The following NRK variants were observed in gnomAD, a reference collection of about 807,000 sequenced individuals.
NRK encodes Nik related kinase, also known as nik-related protein kinase.
NRK carries 67 observed loss-of-function variants against 125.2 expected under a neutral mutation model. That is an observed-to-expected ratio of 0.54 (90% CI 0.44 to 0.66). NRK has a LOEUF of 0.66. Ranked by LOEUF, NRK falls within the 30% of genes least tolerant of loss-of-function variation. NRK has a pLI of 0.00. For synonymous variants in NRK, 458 were observed against 429.0 expected, an observed-to-expected ratio of 1.07 and a Z score of -0.84; for missense variants, 1,224 against 1,192.9, an observed-to-expected ratio of 1.03 and a Z score of -0.38.
chrX:105,935,042 G>A (rs2040643055), intron 20 of NRK, 128 bp from the exon 21 acceptor site: 2 of 475,558 alleles, frequency 4.2e-6, no homozygotes, highest in African/African-American at 2.4e-5. Flanking sequence ...GTGTACAGAG[G>A]AGTAATTTAA....
chrX:105,853,649 T>C (rs2039500050), intron 2 of NRK, among the ~76,000 whole-genome samples: 1 of 112,153 alleles, frequency 8.9e-6, no homozygotes, highest in Non-Finnish European at 1.9e-5. Context: ...GGGCAAAATT[T>C]CCCCATGTCA....
At chrX:105,882,410 G>A (rs2039895178) in intron 4 of NRK, among the ~76,000 whole-genome samples, 1 of 110,883 alleles carries the variant, frequency 9.0e-6, no homozygotes, top group African/African-American at 3.3e-5. Flanking sequence ...CAGTTTTTCT[G>A]ATACCAACAA....
intron 2 of NRK, among the ~76,000 whole-genome samples, chrX:105,846,511 T>C (rs774141513): frequency 9.0e-6 from 1 of 111,258 alleles, no homozygotes; most frequent in African/African-American, 3.3e-5. Context: ...CGAGGATAAA[T>C]AACAATCTGC....
chrX:105,937,600 A>C lies in NRK; in HGVS notation c.3799+18A>C, dbSNP rs532779062. On this transcript the variant is annotated intron_variant, in intron 22 of 28. Transcript: ENST00000243300. ...CATCTCAGGTTTGTTTAAGAACTAAAATTAGCTGAGTAATTATGCAGATTA... is the reference window on the plus strand; with the variant it reads ...CATCTCAGGTTTGTTTAAGAACTAACATTAGCTGAGTAATTATGCAGATTA... 46 of 1,145,581 alleles carry C rather than the reference A, an allele frequency of 4.0e-5. No individual in the cohort carries two copies. The highest frequency in any genetic ancestry group is 3.0e-4 in the African/African-American group (17 of 55,841). 94.4% of individuals were successfully genotyped at this position (1,145,581 alleles called of 1,213,427 possible). A position where few individuals can be genotyped will look rare whatever the true frequency, so the allele number is the denominator to read the frequency against.
intron 2 of NRK, among the ~76,000 whole-genome samples, chrX:105,878,794 CT>C (rs768137179): frequency 8.4e-4 from 94 of 111,675 alleles, no homozygotes; most frequent in African/African-American, 2.8e-3. Flanking sequence ...GATTACTAGT[CT>C]CTGAACCCTA....
chrX:105,874,440 G>C (rs1271943619), intron 2 of NRK, among the ~76,000 whole-genome samples: 1 of 111,799 alleles, frequency 8.9e-6, no homozygotes, highest in African/African-American at 3.2e-5. Context: ...TACAATTATT[G>C]GGTAACCTGT....
intron 26 of NRK, among the ~76,000 whole-genome samples, chrX:105,948,076 C>CT (rs939010303): frequency 2.5e-4 from 27 of 107,346 alleles, no homozygotes; most frequent in South Asian, 1.2e-3. Flanking sequence ...CTGCATCTCT[C>CT]TTTTTTTTTT....
At chrX:105,875,866 G>A (rs1447860122) in intron 2 of NRK, among the ~76,000 whole-genome samples, 1 of 110,955 alleles carries the variant, frequency 9.0e-6, no homozygotes, top group East Asian at 2.8e-4. Flanking sequence ...TATTTAAGCA[G>A]CAGTTGCTTT....
chrX:105,829,900 A>C (rs2039163597), intron 1 of NRK, among the ~76,000 whole-genome samples: 1 of 111,054 alleles, frequency 9.0e-6, no homozygotes, highest in Admixed American at 9.6e-5. Context: ...TTGGTGCAAA[A>C]GTAATTACGG....
At chrX:105,917,177 A>G (rs1484870286) in intron 15 of NRK, among the ~76,000 whole-genome samples, 1 of 111,294 alleles carries the variant, frequency 9.0e-6, no homozygotes, top group Admixed American at 9.6e-5. Context: ...TCTGGATAAT[A>G]ACAATAGAAT....
In NRK at chrX:105,846,502, G is replaced by A. The variant is rs770604601; in HGVS notation, c.123+15383G>A. ...TTCCATTTTGTAAATAATGTTCTTC[G>A]AGGATAAATAACAATCTGCAAAGGA... On this transcript the variant is annotated intron_variant, in intron 2 of 28. Coordinates refer to ENST00000243300, the MANE Select transcript of NRK (RefSeq NM_198465.4). Among the ~76,000 whole-genome samples, 6 of 110,764 alleles carry A rather than the reference G, an allele frequency of 5.4e-5. No homozygotes were observed. The South Asian group carries it at 1.9e-3, about 35-fold the overall frequency.
intron 4 of NRK, among the ~76,000 whole-genome samples, chrX:105,884,997 G>T (rs2039925699): frequency 9.0e-6 from 1 of 110,985 alleles, no homozygotes. Flanking sequence ...CACCATTTTG[G>T]CCAGGCTGGT....
At position 105,893,070 on chromosome X, in the gene NRK, C is replaced by A. The variant is rs192009456; in HGVS notation, c.379-762C>A. On this transcript the variant is annotated intron_variant, in intron 5 of 28. Transcript: ENST00000243300. ...CTTGTACATCACTCTTTAGTTAACT[C>A]ATATTACCTGGATGAAAATTTACTA... Among the ~76,000 whole-genome samples, 6 of 111,728 alleles carry A rather than the reference C, an allele frequency of 5.4e-5. No individual in the cohort carries two copies. The East Asian group carries it at 1.7e-3, about 32-fold the overall frequency.
intron 4 of NRK, among the ~76,000 whole-genome samples, chrX:105,887,333 A>C (rs1327672158): frequency 8.9e-6 from 1 of 112,211 alleles, no homozygotes; most frequent in African/African-American, 3.2e-5. Flanking sequence ...AAGATGCTCA[A>C]CATCATTAGT....
intron 19 of NRK, among the ~76,000 whole-genome samples, chrX:105,930,323 ATTCT>A (rs990835180): frequency 1.8e-5 from 2 of 109,591 alleles, no homozygotes; most frequent in African/African-American, 3.3e-5. Flanking sequence ...AAGTTCAGAA[ATTCT>A]TTATTCTGCT....
At chrX:105,921,392 T>C (rs981801921) in intron 16 of NRK, among the ~76,000 whole-genome samples, 1 of 105,962 alleles carries the variant, frequency 9.4e-6, no homozygotes, top group Non-Finnish European at 1.9e-5. Context: ...GATGACGAGT[T>C]AGTGGGTGCA....
intron 2 of NRK, among the ~76,000 whole-genome samples, chrX:105,833,004 G>A (rs986384686): frequency 9.0e-6 from 1 of 110,784 alleles, no homozygotes; most frequent in African/African-American, 3.3e-5. Flanking sequence ...CCTCCAGTTT[G>A]GGTGACAGAG....
At chrX:105,863,321 GACACAC>G (rs769445045) in intron 2 of NRK, among the ~76,000 whole-genome samples, 11 of 60,448 alleles carry the variant, frequency 1.8e-4, no homozygotes, top group South Asian at 1.0e-3. Flanking sequence ...AATAGTAACA[GACACAC>G]ACACACACAC....
intron 1 of NRK, among the ~76,000 whole-genome samples, chrX:105,830,008 T>C (rs770682590): frequency 9.1e-6 from 1 of 110,115 alleles, no homozygotes; most frequent in Non-Finnish European, 1.9e-5. Context: ...CTAGTCATCA[T>C]TGTTGCATGT....
Sources: allele counts gnomAD v4.1 joint callset (sites outside exome capture counted in the v4.1 genomes callset), GRCh38; gene constraint gnomAD v4.1.1; transcripts MANE v1.5; gene names NCBI Gene and HGNC (gene_info 2026-07-23, HGNC 2026-07-21).